GMCL1: variants seen among roughly 807,000 people sequenced by gnomAD.
GMCL1 encodes the protein germ cell-less protein-like 1.
In GMCL1, 54 loss-of-function variants were observed where a neutral mutation model predicts 75.5. The ratio of observed to expected loss-of-function variants is 0.71; its 90% CI spans 0.57 to 0.90. The LOEUF (loss-of-function observed/expected upper bound fraction) is 0.90. Among genes scored for constraint, GMCL1 ranks in the 40% least tolerant of loss-of-function variants. The pLI is 0.00. For missense variants in GMCL1, 537 were observed against 622.7 expected (o/e 0.86, Z 1.47); for synonymous variants, 210 against 209.6 (o/e 1.00, Z -0.02).
intron 2 of GMCL1, 105 bp from the exon 3 acceptor site, chr2:69,839,352 G>T: frequency 1.7e-6 from 1 of 594,386 alleles, no homozygotes; most frequent in Non-Finnish European, 3.0e-6. Context: ...TAGAATGGAT[G>T]AGTTTAGTTA....
At chr2:69,841,416 T>C (rs1299369052) in intron 4 of GMCL1, among the ~76,000 whole-genome samples, 1 of 152,234 alleles carries the variant, frequency 6.6e-6, no homozygotes, top group African/African-American at 2.4e-5. Flanking sequence ...ATGCCTACTA[T>C]TTAAATTTCT....
In GMCL1 at chr2:69,844,142, G is replaced by A; in HGVS notation, c.704G>A (p.Trp235Ter). The change falls in exon 6 of 14, where the codon TGG becomes TAG. Residue 235 changes from tryptophan (W) to a stop codon, truncating the protein, a stop_gained. Coordinates refer to ENST00000282570, the MANE Select transcript of GMCL1 (RefSeq NM_178439.5). LOFTEE classifies it high-confidence loss of function. ...LDSVKKKCLE[W>*]LLNNLMTHQN... ...TATTTTAATTTCAGGTGCCTTGAATGGCTTCTAAACAATTTGATGACTCAC... is the reference window on the plus strand; with the variant it reads ...TATTTTAATTTCAGGTGCCTTGAATAGCTTCTAAACAATTTGATGACTCAC... 1 of 1,554,680 alleles carries A rather than the reference G, an allele frequency of 6.4e-7. No homozygotes were observed. The highest frequency in any genetic ancestry group is 2.3e-5 in the East Asian group (1 of 43,232).
At chr2:69,836,578 G>A (rs1674824367) in intron 1 of GMCL1, among the ~76,000 whole-genome samples, 1 of 152,184 alleles carries the variant, frequency 6.6e-6, no homozygotes, top group African/African-American at 2.4e-5. Flanking sequence ...GTACACAGGT[G>A]TTAAATTCGC....
chr2:69,845,393 C>T (rs962836082), intron 6 of GMCL1, among the ~76,000 whole-genome samples: 1 of 152,148 alleles, frequency 6.6e-6, no homozygotes, highest in Non-Finnish European at 1.5e-5. Flanking sequence ...AGAAATATGG[C>T]GGTGACAATG....
At chr2:69,859,550 G>A (rs976733927) in intron 9 of GMCL1, among the ~76,000 whole-genome samples, 5 of 151,554 alleles carry the variant, frequency 3.3e-5, no homozygotes, top group African/African-American at 4.8e-5. Context: ...TTAGGTGGCC[G>A]AAGCAGGAGA....
At position 69,835,119 on chromosome 2, in the gene GMCL1, A is replaced by G. The variant is rs750061495; in HGVS notation, c.261-2428A>G. On this transcript the variant is annotated intron_variant, in intron 1 of 13. Transcript: ENST00000282570. The stretch of plus-strand genomic sequence containing the variant: ...TTACTCAAAGAAGAGGTACCTTGGA[A>G]ATAGATCTATTTACTCAATTAAAAC... Among the ~76,000 whole-genome samples, 121 of 152,134 alleles carry G rather than the reference A, an allele frequency of 8.0e-4. 2 individuals are homozygous for G. Among genetic ancestry groups the G allele is most frequent in the Non-Finnish European group, 2.1e-4 (14 of 68,032 alleles).
chr2:69,866,295 A>G (rs917225117), intron 11 of GMCL1, among the ~76,000 whole-genome samples: 2 of 152,016 alleles, frequency 1.3e-5, no homozygotes, highest in African/African-American at 4.8e-5. Flanking sequence ...TGATTTTACA[A>G]TCCACTAATG....
At chr2:69,838,336 C>CAAAAAAAA (rs71397366) in intron 2 of GMCL1, among the ~76,000 whole-genome samples, 613 of 31,482 alleles carry the variant, frequency 0.019, 119 homozygotes, top group African/African-American at 0.05. Context: ...GACTCTGTCT[C>CAAAAAAAA]AAAAAAAAAA....
chr2:69,861,378 T>TA (rs752128390), intron 10 of GMCL1, 31 bp downstream of exon 10: 29 of 1,422,674 alleles, frequency 2.0e-5, no homozygotes, highest in Non-Finnish European at 2.8e-5. Context: ...CATTTTTCAT[T>TA]AAAAAAATTT....
intron 2 of GMCL1, among the ~76,000 whole-genome samples, chr2:69,838,441 A>T (rs2103952111): frequency 6.6e-6 from 1 of 151,824 alleles, no homozygotes; most frequent in African/African-American, 2.4e-5. Context: ...TCAAATCTAT[A>T]AGCTAGGTAT....
At chr2:69,860,142 CAG>C (rs1450589288) in intron 9 of GMCL1, among the ~76,000 whole-genome samples, 14 of 152,062 alleles carry the variant, frequency 9.2e-5, no homozygotes, top group Non-Finnish European at 2.9e-5. Flanking sequence ...GCTGGGACTA[CAG>C]GTGCACGCAC....
At position 69,829,870 on chromosome 2, in the gene GMCL1, G is replaced by GA; in HGVS notation, c.-21dup. 6.4e-7 allele frequency: 1 copy of GA among 1,554,476 alleles called. No homozygotes were observed. Among genetic ancestry groups the GA allele is most frequent in the Non-Finnish European group, 8.7e-7 (1 of 1,152,788 alleles). ...GGAGACCCCCTTCTCTGGGCTCCCTGAAGTCTCGGGGAGCCGTGACCCATG... is the reference window on the plus strand; with the variant it reads ...GGAGACCCCCTTCTCTGGGCTCCCTGAAAGTCTCGGGGAGCCGTGACCCATG... On this transcript the variant is annotated 5_prime_UTR_variant, in exon 1 of 14. Coordinates refer to ENST00000282570, the MANE Select transcript of GMCL1 (RefSeq NM_178439.5).
intron 6 of GMCL1, 97 bp from the exon 7 acceptor site, chr2:69,847,446 T>C: frequency 1.3e-6 from 1 of 793,608 alleles, no homozygotes; most frequent in South Asian, 1.5e-5. Flanking sequence ...TAATTCCACA[T>C]ATTTTTTTAC....
chr2:69,847,640 TATG>T lies in GMCL1; in HGVS notation c.843+17_843+19del, dbSNP rs1216332562. 1 of 1,483,102 alleles carries T rather than the reference TATG, an allele frequency of 6.7e-7. No individual in the cohort carries two copies. The highest frequency in any genetic ancestry group is 9.4e-7 in the Non-Finnish European group (1 of 1,062,234). 91.9% of individuals were successfully genotyped at this position (1,483,102 alleles called of 1,614,324 possible). A position where few individuals can be genotyped will look rare whatever the true frequency, so the allele number is the denominator to read the frequency against. On this transcript the variant is annotated intron_variant, in intron 7 of 13. Coordinates refer to ENST00000282570, the MANE Select transcript of GMCL1 (RefSeq NM_178439.5). ...TGCTCTAAAAAAGGTACTGACGTAA[TATG>T]ATGTCATATTATACAAGGATGTCAC...
chr2:69,861,405 T>C, intron 10 of GMCL1, 58 bp downstream of exon 10: 1 of 1,047,028 alleles, frequency 9.6e-7, no homozygotes, highest in Non-Finnish European at 1.4e-6. Context: ...AATTTTTTAA[T>C]GCATTCATTA....
At chr2:69,843,334 G>A in intron 5 of GMCL1, 73 bp downstream of exon 5, 1 of 737,120 alleles carries the variant, frequency 1.4e-6, no homozygotes, top group Non-Finnish European at 2.4e-6. Flanking sequence ...TTAAGAGAAT[G>A]TATAGCTATA....
At chr2:69,866,138 A>G (rs1231298564) in intron 11 of GMCL1, among the ~76,000 whole-genome samples, 1 of 151,874 alleles carries the variant, frequency 6.6e-6, no homozygotes, top group African/African-American at 2.4e-5. Flanking sequence ...AGTCCTAGCT[A>G]CTCGGAAGGC....
intron 1 of GMCL1, among the ~76,000 whole-genome samples, chr2:69,834,115 G>A (rs559953030): frequency 6.6e-6 from 1 of 152,074 alleles, no homozygotes; most frequent in East Asian, 1.9e-4. Flanking sequence ...GCCTTTTTTT[G>A]TATTGCTTTT....
chr2:69,831,292 CAT>C (rs1165383500), intron 1 of GMCL1, among the ~76,000 whole-genome samples: 1 of 152,168 alleles, frequency 6.6e-6, no homozygotes, highest in Non-Finnish European at 1.5e-5. Context: ...AAAAAGGAAT[CAT>C]AGATTAAAAA....
Sources: allele counts gnomAD v4.1 joint callset (sites outside exome capture counted in the v4.1 genomes callset), GRCh38; gene constraint gnomAD v4.1.1; transcripts MANE v1.5; gene names NCBI Gene and HGNC (gene_info 2026-07-23, HGNC 2026-07-21).